The following CCSER1 variants were observed in gnomAD, a reference collection of about 807,000 sequenced individuals.
CCSER1 encodes the protein serine-rich coiled-coil domain-containing protein 1.
Under a neutral mutation model 82.0 loss-of-function variants are expected in CCSER1, and 41 were observed. That is an observed-to-expected ratio of 0.50 (90% CI 0.39 to 0.65). The LOEUF is 0.65. CCSER1 is among the 30% of genes least tolerant of loss of function. The pLI, the probability that CCSER1 is intolerant of heterozygous loss-of-function variation, is 0.00. For missense variants in CCSER1, 1,119 were observed against 1,064.2 expected, an observed-to-expected ratio of 1.05 and a Z score of -0.72; for synonymous variants, 414 against 383.9, an observed-to-expected ratio of 1.08 and a Z score of -0.92.
intron 10 of CCSER1, among the ~76,000 whole-genome samples, chr4:91,426,455 A>G (rs2149388554): frequency 6.6e-6 from 1 of 152,220 alleles, no homozygotes; most frequent in East Asian, 1.9e-4. Context: ...TCCTTGAGGA[A>G]TCTCCACACT....
At chr4:90,623,612 A>T (rs911893710) in intron 5 of CCSER1, among the ~76,000 whole-genome samples, 2 of 152,212 alleles carry the variant, frequency 1.3e-5, no homozygotes, top group Non-Finnish European at 2.9e-5. Context: ...ATTTTTATCT[A>T]AATGTAAATT....
chr4:91,222,069 T>C (rs541731404), intron 10 of CCSER1, among the ~76,000 whole-genome samples: 1 of 151,920 alleles, frequency 6.6e-6, no homozygotes, highest in Admixed American at 6.6e-5. Context: ...AATACATTAA[T>C]TCTGTGTTAT....
intron 7 of CCSER1, among the ~76,000 whole-genome samples, chr4:90,726,683 T>C (rs1157244805): frequency 6.6e-6 from 1 of 152,164 alleles, no homozygotes; most frequent in East Asian, 1.9e-4. Context: ...CACACTATGG[T>C]TCAGTTCCTG....
At chr4:91,514,089 T>C (rs547481644) in intron 10 of CCSER1, among the ~76,000 whole-genome samples, 1 of 152,296 alleles carries the variant, frequency 6.6e-6, no homozygotes, top group Admixed American at 6.5e-5. Context: ...TAATTAGGCA[T>C]TTAGTGCTAT....
intron 1 of CCSER1, among the ~76,000 whole-genome samples, chr4:90,130,408 A>G (rs917270509): frequency 6.6e-6 from 1 of 152,206 alleles, no homozygotes; most frequent in Non-Finnish European, 1.5e-5. Flanking sequence ...GGGGGTGGGT[A>G]AGACTTGCTT....
chr4:91,042,654 T>A (rs1013422279), intron 9 of CCSER1, among the ~76,000 whole-genome samples: 1 of 152,170 alleles, frequency 6.6e-6, no homozygotes, highest in African/African-American at 2.4e-5. Flanking sequence ...ATGTTCCCAT[T>A]TTCTAACTAG....
intron 10 of CCSER1, among the ~76,000 whole-genome samples, chr4:91,227,511 GTTTAT>G (rs1738296333): frequency 1.3e-5 from 2 of 149,412 alleles, no homozygotes; most frequent in South Asian, 2.1e-4. Context: ...AAGAAACAGT[GTTTAT>G]TTTAATTTTT....
In CCSER1 at chr4:90,961,346, A is replaced by T. The variant is rs529033669; in HGVS notation, c.2172+37899A>T. ...TAAAATCCTTAAATATATATGAGAT[A>T]GTAACTGTAGCTCAATTCAAGGACC... On this transcript the variant is annotated intron_variant, in intron 9 of 10. Transcript: ENST00000509176. Among the ~76,000 whole-genome samples, 3 of 152,288 alleles carry T rather than the reference A, an allele frequency of 2.0e-5. No individual in the cohort carries two copies. In the South Asian group the frequency reaches 6.2e-4, roughly 32 times the overall value.
chr4:90,314,183 T>A (rs1561011118), intron 3 of CCSER1, among the ~76,000 whole-genome samples: 1 of 152,214 alleles, frequency 6.6e-6, no homozygotes, highest in Non-Finnish European at 1.5e-5. Flanking sequence ...AATAGGTGTC[T>A]TGTTTCCATT....
At chr4:90,174,890 A>G (rs1035623960) in intron 1 of CCSER1, among the ~76,000 whole-genome samples, 5 of 151,992 alleles carry the variant, frequency 3.3e-5, no homozygotes, top group African/African-American at 1.2e-4. Context: ...TGGAATCCTC[A>G]TACACTGCTG....
intron 10 of CCSER1, among the ~76,000 whole-genome samples, chr4:91,520,994 G>A (rs1027689789): frequency 1.3e-4 from 13 of 103,984 alleles, no homozygotes; most frequent in Non-Finnish European, 2.0e-4. Context: ...CCATCAACTC[G>A]TCATTTACAT....
chr4:90,888,254 G>A (rs1160814222), intron 8 of CCSER1, among the ~76,000 whole-genome samples: 1 of 152,042 alleles, frequency 6.6e-6, no homozygotes, highest in Non-Finnish European at 1.5e-5. Context: ...AACAGCACAT[G>A]GGGATATATA....
chr4:90,343,914 T>A lies in CCSER1; in HGVS notation c.1509+30867T>A, dbSNP rs192687170. ...CATCCAATTATACTCTTTTAGTTGT[T>A]TAAAAGTGTAGAATTAAATTATTGA... On this transcript the variant is annotated intron_variant, in intron 3 of 10. Transcript: ENST00000509176. 7.9e-5 allele frequency among the ~76,000 whole-genome samples: 12 copies of A among 152,300 alleles called. No individual in the cohort carries two copies. The East Asian group carries it at 2.1e-3, about 27-fold the overall frequency.
chr4:90,248,007 A>G (rs1410082346), intron 1 of CCSER1, among the ~76,000 whole-genome samples: 1 of 152,130 alleles, frequency 6.6e-6, no homozygotes, highest in Non-Finnish European at 1.5e-5. Context: ...TTTAAAAATT[A>G]TTTCAGCTGT....
intron 10 of CCSER1, among the ~76,000 whole-genome samples, chr4:91,244,887 T>C (rs766872757): frequency 6.6e-6 from 1 of 152,038 alleles, no homozygotes; most frequent in Non-Finnish European, 1.5e-5. Flanking sequence ...AAATTCAAGA[T>C]AACACAGAGA....
At chr4:91,246,675 G>A (rs1271180218) in intron 10 of CCSER1, among the ~76,000 whole-genome samples, 2 of 152,100 alleles carry the variant, frequency 1.3e-5, no homozygotes, top group Non-Finnish European at 1.5e-5. Context: ...TAAAGAAAAT[G>A]TGGTACATAT....
intron 4 of CCSER1, among the ~76,000 whole-genome samples, chr4:90,436,405 A>G (rs1200466263): frequency 6.6e-6 from 1 of 152,234 alleles, no homozygotes; most frequent in Non-Finnish European, 1.5e-5. Flanking sequence ...AGAAAACAGA[A>G]CTGTACACAG....
intron 10 of CCSER1, among the ~76,000 whole-genome samples, chr4:91,261,840 G>C (rs1264782151): frequency 2.0e-5 from 3 of 152,008 alleles, no homozygotes; most frequent in Non-Finnish European, 4.4e-5. Flanking sequence ...TACTATTTTT[G>C]AAGTACATAT....
intron 1 of CCSER1, among the ~76,000 whole-genome samples, chr4:90,233,142 A>G (rs1005765009): frequency 3.9e-5 from 6 of 152,176 alleles, no homozygotes; most frequent in African/African-American, 4.8e-5. Flanking sequence ...CCAAAGGACT[A>G]TAAATCATGC....
Sources: gnomAD v4.1 joint callset for allele counts (sites outside exome capture counted in the v4.1 genomes callset) on GRCh38, gnomAD v4.1.1 for gene constraint, MANE v1.5 for transcripts, NCBI Gene and HGNC (gene_info 2026-07-23, HGNC 2026-07-21) for gene names.